The following EBF3 variants were observed in gnomAD, a reference collection of about 807,000 sequenced individuals.
EBF3 encodes EBF transcription factor 3.
Under a neutral mutation model 77.1 loss-of-function variants are expected in EBF3, and 18 were observed. The ratio of observed to expected loss-of-function variants is 0.23; its 90% CI spans 0.16 to 0.35. The LOEUF (loss-of-function observed/expected upper bound fraction) is 0.35, where lower values mean the gene tolerates loss of function less well. Ranked by LOEUF, EBF3 falls within the 10% of genes least tolerant of loss-of-function variation. EBF3 has a pLI of 1.00. For synonymous variants in EBF3, 350 were observed against 343.5 expected, an observed-to-expected ratio of 1.02 and a Z score of -0.21; for missense variants, 558 against 860.0, an observed-to-expected ratio of 0.65 and a Z score of 4.39.
chr10:129,937,211 G>A (rs370983895), intron 6 of EBF3, among the ~76,000 whole-genome samples: 7 of 152,260 alleles, frequency 4.6e-5, no homozygotes, highest in African/African-American at 1.7e-4. Context: ...GCCGTAGGGG[G>A]CCGGGTCGAC....
chr10:129,919,241 A>C (rs1856101197), intron 6 of EBF3, among the ~76,000 whole-genome samples: 1 of 152,130 alleles, frequency 6.6e-6, no homozygotes, highest in Non-Finnish European at 1.5e-5. Flanking sequence ...CTGGAAAAGC[A>C]ACATTGGAGC....
chr10:129,899,095 T>A (rs1854603445), intron 6 of EBF3, among the ~76,000 whole-genome samples: 1 of 152,230 alleles, frequency 6.6e-6, no homozygotes, highest in Non-Finnish European at 1.5e-5. Context: ...CAGCCTTGAA[T>A]CGGAGCTGCT....
At position 129,963,939 on chromosome 10, in the gene EBF3, C is replaced by G; in HGVS notation, c.-171G>C. The G allele has an allele frequency of 9.5e-7, 1 of 1,056,416 alleles. No individual in the cohort carries two copies. The highest frequency in any genetic ancestry group is 1.1e-6 in the Non-Finnish European group (1 of 877,870). 65.4% of individuals were successfully genotyped at this position (1,056,416 alleles called of 1,614,324 possible). On this transcript the variant is annotated 5_prime_UTR_variant, in exon 1 of 17. Coordinates refer to ENST00000440978, the MANE Select transcript of EBF3 (RefSeq NM_001375380.1). The surrounding 1 kb of genome is among the most constrained non-coding windows in gnomAD (Gnocchi z 7.1). ...CCCGGGCAGGCGCGACATACACCAG[C>G]GGCCGGGCGCTCCGGACGGCCAGGG...
At chr10:129,892,850 C>T (rs1358204099) in intron 6 of EBF3, among the ~76,000 whole-genome samples, 1 of 152,230 alleles carries the variant, frequency 6.6e-6, no homozygotes, top group South Asian at 2.1e-4. Context: ...TCTGTGACAA[C>T]GCACTTGAAC....
rs1345871143 is a variant in EBF3 at position 129,897,777 on chromosome 10, C to A, written c.555-19928G>T. ...TTTCCCCAGTTTCTTGAAATGACAT[C>A]TTACTTTCCTACATTTATCGTGACG... On this transcript the variant is annotated intron_variant, in intron 6 of 16. Transcript: ENST00000440978. This position sits in a 1 kb window ranked among gnomAD's most constrained non-coding sequence, Gnocchi z 4.6. Among the ~76,000 whole-genome samples, 1 of 152,204 alleles carries A rather than the reference C, an allele frequency of 6.6e-6. No individual in the cohort carries two copies. Among genetic ancestry groups the A allele is most frequent in the African/African-American group, 2.4e-5 (1 of 41,462 alleles).
intron 6 of EBF3, among the ~76,000 whole-genome samples, chr10:129,918,783 G>A (rs1358780198): frequency 6.6e-6 from 1 of 152,232 alleles, no homozygotes. Flanking sequence ...AGGCTACAAC[G>A]GCAGGGGTGG....
chr10:129,916,343 C>T (rs1855885829), intron 6 of EBF3, among the ~76,000 whole-genome samples: 1 of 152,220 alleles, frequency 6.6e-6, no homozygotes, highest in African/African-American at 2.4e-5. Flanking sequence ...ATGGGAATGA[C>T]AGTCTCTCTC....
intron 10 of EBF3, among the ~76,000 whole-genome samples, chr10:129,853,080 G>C (rs557740899): frequency 1.3e-5 from 2 of 152,208 alleles, no homozygotes; most frequent in Admixed American, 6.5e-5. Flanking sequence ...ACCCCTGCCC[G>C]GGAGAGCTGG....
intron 11 of EBF3, among the ~76,000 whole-genome samples, chr10:129,844,848 GCTCT>G (rs1165995303): frequency 1.3e-5 from 2 of 152,176 alleles, no homozygotes; most frequent in Non-Finnish European, 2.9e-5. Context: ...AGCCTGAGCA[GCTCT>G]CTGTGAGCAA....
At chr10:129,915,315 T>C (rs1363696170) in intron 6 of EBF3, among the ~76,000 whole-genome samples, 3 of 152,088 alleles carry the variant, frequency 2.0e-5, no homozygotes, top group African/African-American at 7.2e-5. Context: ...TGGCTGGGGG[T>C]TCCTCTTGTT....
In EBF3 at chr10:129,897,660, G is replaced by A. The variant is rs1011188848; in HGVS notation, c.555-19811C>T. Among the ~76,000 whole-genome samples, 2 of 152,138 alleles carry A rather than the reference G, an allele frequency of 1.3e-5. No individual in the cohort carries two copies. Among genetic ancestry groups the A allele is most frequent in the Non-Finnish European group, 2.9e-5 (2 of 68,036 alleles). On this transcript the variant is annotated intron_variant, in intron 6 of 16. Coordinates refer to ENST00000440978, the MANE Select transcript of EBF3 (RefSeq NM_001375380.1). This position sits in a 1 kb window ranked among gnomAD's most constrained non-coding sequence, Gnocchi z 4.6. ...ACTGTGCCTGCCTCAGAGCCCTGAC[G>A]GACAGCTGACATTCTCCTATTTATT... is the stretch of plus-strand genomic sequence containing the variant.
intron 6 of EBF3, among the ~76,000 whole-genome samples, chr10:129,950,097 C>A (rs1286551741): frequency 1.3e-5 from 2 of 152,042 alleles, no homozygotes; most frequent in East Asian, 3.9e-4. Flanking sequence ...TGCACGGCCT[C>A]CTCTCCAGAT....
chr10:129,911,668 C>T (rs1415817347), intron 6 of EBF3, among the ~76,000 whole-genome samples: 1 of 152,150 alleles, frequency 6.6e-6, no homozygotes, highest in Non-Finnish European at 1.5e-5. Context: ...GGGGCAGGGA[C>T]AGTTAGCCGA....
At chr10:129,946,183 G>A (rs1010510838) in intron 6 of EBF3, among the ~76,000 whole-genome samples, 5 of 152,158 alleles carry the variant, frequency 3.3e-5, no homozygotes, top group Admixed American at 6.5e-5. Context: ...CTGGGCCCTC[G>A]GTCCTGGCCT....
chr10:129,919,922 C>G (rs1270820152), intron 6 of EBF3, among the ~76,000 whole-genome samples: 1 of 152,176 alleles, frequency 6.6e-6, no homozygotes, highest in East Asian at 1.9e-4. Flanking sequence ...TCAGACAGAA[C>G]AGCACAAGAG....
chr10:129,878,430 A>G (rs1205381683), intron 6 of EBF3, among the ~76,000 whole-genome samples: 1 of 152,100 alleles, frequency 6.6e-6, no homozygotes, highest in East Asian at 1.9e-4. Context: ...GCACTTTGGG[A>G]GGCTGAGGTG....
At chr10:129,930,068 C>G (rs1167688436) in intron 6 of EBF3, among the ~76,000 whole-genome samples, 1 of 152,172 alleles carries the variant, frequency 6.6e-6, no homozygotes, top group Non-Finnish European at 1.5e-5. Flanking sequence ...CTCTTCCTCC[C>G]CTGTCCCTGG....
intron 8 of EBF3, among the ~76,000 whole-genome samples, chr10:129,872,045 A>G (rs1483137562): frequency 6.6e-6 from 1 of 152,198 alleles, no homozygotes; most frequent in East Asian, 1.9e-4. Context: ...TTTTCATGCT[A>G]CTTACAAAAA....
intron 6 of EBF3, among the ~76,000 whole-genome samples, chr10:129,939,567 A>T (rs1857587878): frequency 6.6e-6 from 1 of 152,154 alleles, no homozygotes; most frequent in Non-Finnish European, 1.5e-5. Context: ...TGGTGAGGAA[A>T]CAGTTCAAGG....
Sources: gnomAD v4.1 joint callset for allele counts (sites outside exome capture counted in the v4.1 genomes callset) on GRCh38, gnomAD v4.1.1 for gene constraint, Gnocchi (gnomAD v3.1) non-coding constraint, MANE v1.5 for transcripts, NCBI Gene and HGNC (gene_info 2026-07-23, HGNC 2026-07-21) for gene names.